Variants in SLC38A10 observed in about 807,000 individuals in gnomAD.
SLC38A10 encodes the protein solute carrier family 38 member 10.
A neutral mutation model predicts 81.0 loss-of-function variants in SLC38A10; 53 were observed. The observed-to-expected ratio is 0.65, with a 90% CI of 0.53 to 0.82. The LOEUF is 0.82. Ranked by LOEUF, SLC38A10 falls within the 40% of genes least tolerant of loss-of-function variation. SLC38A10 has a pLI of 0.00. For synonymous variants in SLC38A10, 665 were observed against 655.3 expected (o/e 1.01, Z -0.23); for missense variants, 1,471 against 1,545.0 (o/e 0.95, Z 0.80).
At position 81,261,917 on chromosome 17, in the gene SLC38A10, G is replaced by A. The variant is rs559717157; in HGVS notation, c.1132-1523C>T. Among the ~76,000 whole-genome samples the A allele has an allele frequency of 1.5e-3, 232 of 152,304 alleles. 1 individual carries two copies. Among genetic ancestry groups the A allele is most frequent in the Non-Finnish European group, 2.3e-3 (155 of 68,014 alleles). On this transcript the variant is annotated intron_variant, in intron 10 of 15. Coordinates refer to ENST00000374759, the MANE Select transcript of SLC38A10 (RefSeq NM_001037984.3). ...AGGTCCGGACGGGGCCTGCAGGCTC[G>A]ACGGCCCACAGAGCTCTGCCCCGCC...
rs1167117472 is a variant in SLC38A10, at chr17:81,288,888, C to A, written c.217+803G>T. On this transcript the variant is annotated intron_variant, in intron 2 of 15. Coordinates refer to ENST00000374759, the MANE Select transcript of SLC38A10 (RefSeq NM_001037984.3). The surrounding 1 kb of genome is among the most constrained non-coding windows in gnomAD (Gnocchi z 5.4). ...GAGACACAGAGAGAGCAGGTCTGCA[C>A]CAGCACGGTGAGGACGGCTGTCTTG... is the stretch of plus-strand genomic sequence containing the variant. 1 of 152,306 alleles carries A rather than the reference C, an allele frequency of 6.6e-6. No homozygotes were observed. The highest frequency in any genetic ancestry group is 2.4e-5 in the African/African-American group (1 of 41,442). 9.4% of individuals were successfully genotyped at this position (152,306 alleles called of 1,614,324 possible).
At chr17:81,262,027 C>A (rs1259799217) in intron 10 of SLC38A10, among the ~76,000 whole-genome samples, 1 of 152,180 alleles carries the variant, frequency 6.6e-6, no homozygotes, top group Non-Finnish European at 1.5e-5. Flanking sequence ...AGTCCCAGGG[C>A]AGTGGTGGTG....
chr17:81,253,335 G>C lies in SLC38A10; in HGVS notation c.1289-95C>G, dbSNP rs927783157. 6.9e-7 allele frequency: 1 copy of C among 1,446,584 alleles called. No individual in the cohort carries two copies. The highest frequency in any genetic ancestry group is 9.3e-7 in the Non-Finnish European group (1 of 1,075,766). 89.6% of individuals were successfully genotyped at this position (1,446,584 alleles called of 1,614,324 possible). ...CTGTTACCATATTTTCCAGCCAAATGGCAGAGTCAAAGCAGTTTCTTTTTC... is the reference window on the plus strand; with the variant it reads ...CTGTTACCATATTTTCCAGCCAAATCGCAGAGTCAAAGCAGTTTCTTTTTC... On this transcript the variant is annotated intron_variant, in intron 11 of 15. Transcript: ENST00000374759. This position sits in a 1 kb window ranked among gnomAD's most constrained non-coding sequence, Gnocchi z 4.1.
Position 81,276,963 on chromosome 17 carries a change from C to T in SLC38A10, c.729+68G>A. The T allele has an allele frequency of 6.7e-7, 1 of 1,490,910 alleles. No individual in the cohort carries two copies. Among genetic ancestry groups the T allele is most frequent in the Non-Finnish European group, 9.3e-7 (1 of 1,070,388 alleles). 92.4% of individuals were successfully genotyped at this position (1,490,910 alleles called of 1,614,324 possible). ...GGCCAGGGCCATGCCTGTGGCAGTC[C>T]CACGGGGCACCACGGCACATCATGC... On this transcript the variant is annotated intron_variant, in intron 7 of 15. Transcript: ENST00000374759. The surrounding 1 kb of genome is among the most constrained non-coding windows in gnomAD (Gnocchi z 4.7).
intron 2 of SLC38A10, among the ~76,000 whole-genome samples, chr17:81,287,916 C>T (rs1033797882): frequency 3.3e-5 from 5 of 152,220 alleles, no homozygotes; most frequent in African/African-American, 1.2e-4. Context: ...AGAAAAGGGT[C>T]GCCCTGCAGG....
intron 14 of SLC38A10, among the ~76,000 whole-genome samples, chr17:81,248,482 G>A (rs890012271): frequency 6.6e-6 from 1 of 152,264 alleles, no homozygotes; most frequent in Non-Finnish European, 1.5e-5. Flanking sequence ...AGGAGCACCC[G>A]GTCTGACTCG....
intron 11 of SLC38A10, 66 bp downstream of exon 11, chr17:81,260,172 C>A (rs1366260922): frequency 6.6e-7 from 1 of 1,518,510 alleles, no homozygotes; most frequent in East Asian, 2.4e-5. Context: ...AATCCTCGGA[C>A]CAGACCCAGG....
intron 11 of SLC38A10, among the ~76,000 whole-genome samples, chr17:81,258,511 G>A (rs753225357): frequency 6.6e-6 from 1 of 152,120 alleles, no homozygotes; most frequent in Non-Finnish European, 1.5e-5. Flanking sequence ...AGGCAGAGGC[G>A]GCGCAGTGCT....
intron 10 of SLC38A10, among the ~76,000 whole-genome samples, chr17:81,267,892 G>A (rs1267995108): frequency 6.6e-6 from 1 of 151,704 alleles, no homozygotes; most frequent in Non-Finnish European, 1.5e-5. Context: ...AAGCAGACAA[G>A]ACAAGAGAGC....
chr17:81,278,720 C>G (rs571256513), intron 6 of SLC38A10, among the ~76,000 whole-genome samples: 1 of 152,332 alleles, frequency 6.6e-6, no homozygotes, highest in South Asian at 2.1e-4. Flanking sequence ...CTCGCCACAG[C>G]TGAGTCCACA....
chr17:81,246,792 C>T lies in SLC38A10; in HGVS notation c.2242+93G>A, dbSNP rs1246512962. ...ACCAAAACCAGACTCACGCTCAGGTCTAGAGGCCACCGAGCCTCAGACCCA... is the reference window on the plus strand; with the variant it reads ...ACCAAAACCAGACTCACGCTCAGGTTTAGAGGCCACCGAGCCTCAGACCCA... On this transcript the variant is annotated intron_variant, in intron 15 of 15. Transcript: ENST00000374759. 4.6e-6 allele frequency: 7 copies of T among 1,512,678 alleles called. No individual in the cohort carries two copies. The Admixed American group carries it at 1.0e-4, about 22-fold the overall frequency. The allele number at this position is 1,512,678 out of a possible 1,614,324, so 93.7% of individuals were successfully genotyped here. A position where few individuals can be genotyped will look rare whatever the true frequency, so the allele number is the denominator to read the frequency against.
At chr17:81,264,478 TGA>T (rs1436515214) in intron 10 of SLC38A10, 1 of 152,352 alleles carries the variant, frequency 6.6e-6, no homozygotes, top group African/African-American at 2.4e-5. Context: ...TCCAGGGGCC[TGA>T]CCAGGGGCCG....
At chr17:81,257,491 G>A (rs1172111882) in intron 11 of SLC38A10, among the ~76,000 whole-genome samples, 3 of 152,194 alleles carry the variant, frequency 2.0e-5, no homozygotes, top group Admixed American at 6.5e-5. Context: ...TGAGATGGCA[G>A]GGAGCTGATT....
chr17:81,289,900 A>C lies in SLC38A10; in HGVS notation c.100-92T>G. ...CACGCGGCTCATGAGGACCCTCTTC[A>C]CCCCCAGGCCCCGCTCCATCCCAGT... On this transcript the variant is annotated intron_variant, in intron 1 of 15. Coordinates refer to ENST00000374759, the MANE Select transcript of SLC38A10 (RefSeq NM_001037984.3). This position sits in a 1 kb window ranked among gnomAD's most constrained non-coding sequence, Gnocchi z 5.9. 3.0e-6 allele frequency: 3 copies of C among 1,003,848 alleles called. No homozygotes were observed. The highest frequency in any genetic ancestry group is 1.7e-5 in the South Asian group (1 of 57,574). 62.2% of individuals were successfully genotyped at this position (1,003,848 alleles called of 1,614,324 possible). A position where few individuals can be genotyped will look rare whatever the true frequency, so the allele number is the denominator to read the frequency against.
At position 81,246,505 on chromosome 17, in the gene SLC38A10, TC is replaced by T; in HGVS notation, c.2410del (p.Glu804SerfsTer30). On this transcript the variant is annotated frameshift_variant, in exon 16 of 16. Transcript: ENST00000374759. LOFTEE classifies it low-confidence loss of function (END_TRUNC). Reference protein sequence around the residue: ...PSQDLNQRSLEHSEGPVGRDP... With the variant: ...PSQDLNQRSLXHSEGPVGRDP... ...TCTGCCCACAGGCCCCTCAGAGTGCTCCAGGGAGCGCTGGTTAAGGTCCTGG... is the reference window on the plus strand; with the variant it reads ...TCTGCCCACAGGCCCCTCAGAGTGCTCAGGGAGCGCTGGTTAAGGTCCTGG... 1 of 1,535,472 alleles carries T rather than the reference TC, an allele frequency of 6.5e-7. No individual in the cohort carries two copies. The highest frequency in any genetic ancestry group is 8.7e-7 in the Non-Finnish European group (1 of 1,143,920).
Position 81,253,235 on chromosome 17 carries a change from C to T in SLC38A10, c.1294G>A (p.Asp432Asn), listed in dbSNP as rs943000959. The T allele has an allele frequency of 4.3e-6, 7 of 1,613,618 alleles. No homozygotes were observed. Among genetic ancestry groups the T allele is most frequent in the Admixed American group, 1.7e-5 (1 of 60,028 alleles). Residue 432 changes from aspartate to asparagine, a missense_variant, in exon 12 of 16, where the codon GAT becomes AAT. By Grantham distance (23) the Asp-to-Asn change is conservative. Coordinates refer to ENST00000374759, the MANE Select transcript of SLC38A10 (RefSeq NM_001037984.3). This position sits in a 1 kb window ranked among gnomAD's most constrained non-coding sequence, Gnocchi z 4.1. ...KVEAARLSAQ[D>N]PVVAVAEDGR... is the part of the protein sequence containing the mutation. Reference sequence around the variant, plus strand: ...TCCTCAGCCACGGCCACAACCGGATCCTGGGCTGGGAGCAGGGCACAGTTA... The same window carrying T: ...TCCTCAGCCACGGCCACAACCGGATTCTGGGCTGGGAGCAGGGCACAGTTA...
intron 14 of SLC38A10, chr17:81,247,404 T>C (rs561526238): frequency 4.0e-4 from 91 of 229,304 alleles, no homozygotes; most frequent in South Asian, 1.3e-3. Flanking sequence ...TCGTTGCCCA[T>C]GGAAGTGAGT....
rs985763109 is a variant in SLC38A10 at position 81,279,038 on chromosome 17, C to A, written c.626+1571G>T. On this transcript the variant is annotated intron_variant, in intron 6 of 15. Transcript: ENST00000374759. ...GACATGCTGAGCGCTGGCCCATGGC[C>A]CCAGACGGAGCATCCCTGGCCCGCC... 2.6e-5 allele frequency among the ~76,000 whole-genome samples: 4 copies of A among 152,348 alleles called. No homozygotes were observed. The South Asian group carries it at 8.3e-4, about 32-fold the overall frequency.
intron 10 of SLC38A10, among the ~76,000 whole-genome samples, chr17:81,262,303 C>A (rs530482373): frequency 1.2e-4 from 19 of 152,212 alleles, no homozygotes; most frequent in Non-Finnish European, 2.1e-4. Context: ...CCAGCCAGCA[C>A]AGGGCAGAGA....
Sources: allele counts gnomAD v4.1 joint callset (sites outside exome capture counted in the v4.1 genomes callset), GRCh38; gene constraint gnomAD v4.1.1; non-coding constraint Gnocchi (gnomAD v3.1); transcripts MANE v1.5; gene names NCBI Gene and HGNC (gene_info 2026-07-23, HGNC 2026-07-21).